NARF: variants seen among roughly 807,000 people sequenced by gnomAD.
NARF encodes iron-only hydrogenase-like protein 2.
Under a neutral mutation model 48.0 loss-of-function variants are expected in NARF, and 41 were observed. That is an observed-to-expected ratio of 0.85 (90% CI 0.66 to 1.11). The LOEUF is 1.11. NARF is among the 50% of genes least tolerant of loss of function. NARF has a pLI of 0.00. For missense variants in NARF, 613 were observed against 590.2 expected, an observed-to-expected ratio of 1.04 and a Z score of -0.40; for synonymous variants, 215 against 225.5, an observed-to-expected ratio of 0.95 and a Z score of 0.42.
chr17:82,483,098 A>G (rs367944157), intron 7 of NARF: 2 of 160,634 alleles, frequency 1.2e-5, no homozygotes, highest in East Asian at 2.0e-4. Context: ...CAGGCTGGTC[A>G]CCTGAGGTCA....
rs117835887 is a variant in NARF at position 82,466,387 on chromosome 17, C to T, written c.252+1957C>T. Reference sequence around the variant, plus strand: ...TGTTTATTGACAGTTTATATTTTATCTTATGCTGCTTGTCCAGTCTACAAC... The same window carrying T: ...TGTTTATTGACAGTTTATATTTTATTTTATGCTGCTTGTCCAGTCTACAAC... On this transcript the variant is annotated intron_variant, in intron 3 of 10. Transcript: ENST00000309794. Among the ~76,000 whole-genome samples the T allele has an allele frequency of 6.6e-5, 10 of 152,206 alleles. No individual in the cohort carries two copies. The East Asian group carries it at 1.9e-3, about 29-fold the overall frequency.
intron 5 of NARF, 90 bp downstream of exon 5, chr17:82,472,788 C>T: frequency 2.1e-6 from 3 of 1,459,802 alleles, no homozygotes; most frequent in Non-Finnish European, 2.7e-6. Context: ...TGGAGGCAGA[C>T]AGACCCATCC....
rs755011923 is a variant in NARF at position 82,468,722 on chromosome 17, T to G, written c.253-42T>G. 14 of 1,603,682 alleles carry G rather than the reference T, an allele frequency of 8.7e-6. No individual in the cohort carries two copies. In the South Asian group the frequency reaches 1.3e-4, roughly 15 times the overall value. On this transcript the variant is annotated intron_variant, in intron 3 of 10. Coordinates refer to ENST00000309794, the MANE Select transcript of NARF (RefSeq NM_012336.4). ...TAAGGTGTGTAACTTTTACTCCTTGTGTAATCAGCAGATACCTAACATTCT... is the reference window on the plus strand; with the variant it reads ...TAAGGTGTGTAACTTTTACTCCTTGGGTAATCAGCAGATACCTAACATTCT...
In NARF at chr17:82,483,652, C is replaced by T. The variant is rs2044024894; in HGVS notation, c.770-64C>T. 2.0e-6 allele frequency: 3 copies of T among 1,494,538 alleles called. No individual in the cohort carries two copies. In the African/African-American group the frequency reaches 4.1e-5, roughly 21 times the overall value. 92.6% of individuals were successfully genotyped at this position (1,494,538 alleles called of 1,614,324 possible). ...AGGGTCACTAATGTCAAATCTCCTG[C>T]AGGGGAAGAAAAGTTCCTGTGGCCA... On this transcript the variant is annotated intron_variant, in intron 7 of 10. Transcript: ENST00000309794.
At chr17:82,473,509 C>T (rs1479674858) in intron 5 of NARF, among the ~76,000 whole-genome samples, 4 of 151,856 alleles carry the variant, frequency 2.6e-5, no homozygotes, top group East Asian at 1.9e-4. Context: ...CCACCACACC[C>T]GGCTAATTTC....
At chr17:82,483,579 T>G in intron 7 of NARF, 137 bp from the exon 8 acceptor site, 1 of 716,540 alleles carries the variant, frequency 1.4e-6, no homozygotes, top group Non-Finnish European at 2.4e-6. Flanking sequence ...GCCCTTTAGA[T>G]GGACTCCTGC....
intron 2 of NARF, chr17:82,463,741 C>G (rs746982462): frequency 6.5e-6 from 1 of 153,656 alleles, no homozygotes; most frequent in Non-Finnish European, 1.4e-5. Context: ...TGGAGGGGAT[C>G]AAAGAGTGAC....
rs747472934 is a variant in NARF at position 82,468,872 on chromosome 17, C to G, written c.361C>G (p.Leu121Val). The change falls in exon 4 of 11, where the codon CTC becomes GTC. Residue 121 changes from leucine (L) to valine (V), a missense_variant. Physicochemically the swap from Leu to Val is conservative, Grantham distance 32. Coordinates refer to ENST00000309794, the MANE Select transcript of NARF (RefSeq NM_012336.4). ...NLSVTDASRR[L>V]CGFLKSLGVH... ...CAGTGTAACTGATGCATCCAGAAGA[C>G]TCTGTGGTTTCCTCAAAAGTCTTGG... The G allele has an allele frequency of 1.9e-6, 3 of 1,613,962 alleles. No homozygotes were observed. Among genetic ancestry groups the G allele is most frequent in the Non-Finnish European group, 2.5e-6 (3 of 1,179,948 alleles).
intron 5 of NARF, among the ~76,000 whole-genome samples, chr17:82,473,090 G>A (rs2043751975): frequency 6.6e-6 from 1 of 151,378 alleles, no homozygotes; most frequent in South Asian, 2.1e-4. Context: ...ACAGGTGCAC[G>A]CCACTGCACC....
rs73369873 is a variant in NARF, at chr17:82,488,304, C to T, written c.*147C>T. 11 of 1,286,994 alleles carry T rather than the reference C, an allele frequency of 8.5e-6. No homozygotes were observed. Among genetic ancestry groups the T allele is most frequent in the East Asian group, 2.6e-5 (1 of 39,056 alleles). 79.7% of individuals were successfully genotyped at this position (1,286,994 alleles called of 1,614,324 possible). A position where few individuals can be genotyped will look rare whatever the true frequency, so the allele number is the denominator to read the frequency against. ...GGTTTCTCCGAGTTCCCTGCTACCC[C>T]GTTTATTGGAGGCCCCTCAGGCAGT... is the stretch of plus-strand genomic sequence containing the variant. On this transcript the variant is annotated 3_prime_UTR_variant, in exon 11 of 11. Coordinates refer to ENST00000309794, the MANE Select transcript of NARF (RefSeq NM_012336.4).
chr17:82,483,853 C>T (rs2044031580), intron 8 of NARF, 74 bp downstream of exon 8: 1 of 1,386,372 alleles, frequency 7.2e-7, no homozygotes, highest in Non-Finnish European at 1.0e-6. Context: ...CCTGCCAGGC[C>T]CAGGGCTGCC....
rs190052892 is a variant in NARF at position 82,460,159 on chromosome 17, C to T, written c.108+87C>T. ...TGGGGGCTCACAGCACCGTGCACAT[C>T]ACTGCTTTAAAGAAGACTGAAGTAC... On this transcript the variant is annotated intron_variant, in intron 2 of 10. Coordinates refer to ENST00000309794, the MANE Select transcript of NARF (RefSeq NM_012336.4). The T allele has an allele frequency of 2.0e-4, 230 of 1,173,330 alleles. 1 individual carries two copies. Among genetic ancestry groups the T allele is most frequent in the Non-Finnish European group, 3.0e-5 (24 of 802,890 alleles). 72.7% of individuals were successfully genotyped at this position (1,173,330 alleles called of 1,614,324 possible).
At chr17:82,471,582 G>A (rs1184485674) in intron 4 of NARF, among the ~76,000 whole-genome samples, 1 of 149,478 alleles carries the variant, frequency 6.7e-6, no homozygotes, top group Non-Finnish European at 1.5e-5. Context: ...CACGAGGTCA[G>A]GAGATCGAGA....
chr17:82,478,719 C>G lies in NARF; in HGVS notation c.521-81C>G. 4.3e-6 allele frequency: 6 copies of G among 1,387,458 alleles called. No homozygotes were observed. In the South Asian group the frequency reaches 7.0e-5, roughly 16 times the overall value. 85.9% of individuals were successfully genotyped at this position (1,387,458 alleles called of 1,614,324 possible). The stretch of plus-strand genomic sequence containing the variant: ...GCTTCACCCTGGGGCGGCAGGGACT[C>G]GAGCTCAGCATTCCCTGGTGCGTTA... On this transcript the variant is annotated intron_variant, in intron 5 of 10. Coordinates refer to ENST00000309794, the MANE Select transcript of NARF (RefSeq NM_012336.4).
In NARF at chr17:82,472,668, A is replaced by G. The variant is rs761082730; in HGVS notation, c.490A>G (p.Thr164Ala). The G allele has an allele frequency of 2.0e-5, 33 of 1,613,688 alleles. No individual in the cohort carries two copies. Among genetic ancestry groups the G allele is most frequent in the Middle Eastern group, 1.6e-4 (1 of 6,082 alleles). The change falls in exon 5 of 11, where the codon ACC becomes GCC. Residue 164 changes from threonine (T) to alanine (A), a missense_variant. Coordinates refer to ENST00000309794, the MANE Select transcript of NARF (RefSeq NM_012336.4). Reference sequence around the variant, plus strand: ...TCGCCAGCACAGTGAGGAGGAACGCACCCTGCCCATGCTGACCTCTGCCTG... The same window carrying G: ...TCGCCAGCACAGTGAGGAGGAACGCGCCCTGCCCATGCTGACCTCTGCCTG... ...RYRQHSEEER[T>A]LPMLTSACPG...
rs2043350301 is a variant in NARF at position 82,458,777 on chromosome 17, C to T, written c.-27C>T. 6 of 1,462,428 alleles carry T rather than the reference C, an allele frequency of 4.1e-6. No individual in the cohort carries two copies. The highest frequency in any genetic ancestry group is 5.4e-5 in the Admixed American group (2 of 36,748). 90.6% of individuals were successfully genotyped at this position (1,462,428 alleles called of 1,614,324 possible). A position where few individuals can be genotyped will look rare whatever the true frequency, so the allele number is the denominator to read the frequency against. ...CCGGTGCTTCCCTGAGGCTGAGGCGCCCGGCCTCCCGCCCGCCGCGCTCCA... is the reference window on the plus strand; with the variant it reads ...CCGGTGCTTCCCTGAGGCTGAGGCGTCCGGCCTCCCGCCCGCCGCGCTCCA... On this transcript the variant is annotated 5_prime_UTR_variant, in exon 1 of 11. Transcript: ENST00000309794.
rs1308753275 is a variant in NARF, at chr17:82,488,722, AT to A, written c.*566del. 1 of 154,456 alleles carries A rather than the reference AT, an allele frequency of 6.5e-6. No individual in the cohort carries two copies. The highest frequency in any genetic ancestry group is 2.4e-5 in the African/African-American group (1 of 41,418). The allele number at this position is 154,456 out of a possible 1,614,324, so 9.6% of individuals were successfully genotyped here. A position where few individuals can be genotyped will look rare whatever the true frequency, so the allele number is the denominator to read the frequency against. On this transcript the variant is annotated 3_prime_UTR_variant, in exon 11 of 11. Coordinates refer to ENST00000309794, the MANE Select transcript of NARF (RefSeq NM_012336.4). ...GAGCACTTCCCCAATTTATCCCTTC[AT>A]CCTAAGATTGTGAAAAAGTCCCAAA...
intron 6 of NARF, chr17:82,480,661 G>A (rs924069690): frequency 2.1e-5 from 9 of 427,638 alleles, no homozygotes; most frequent in East Asian, 1.7e-4. Flanking sequence ...AGCCAGGCTC[G>A]ATGGCTCACG....
At chr17:82,462,033 G>T (rs909234731) in intron 2 of NARF, among the ~76,000 whole-genome samples, 1 of 152,216 alleles carries the variant, frequency 6.6e-6, no homozygotes, top group African/African-American at 2.4e-5. Context: ...CCCTCTGGTT[G>T]TGTCGTTGTA....
Sources: allele counts gnomAD v4.1 joint callset (sites outside exome capture counted in the v4.1 genomes callset), GRCh38; gene constraint gnomAD v4.1.1; transcripts MANE v1.5; gene names NCBI Gene and HGNC (gene_info 2026-07-23, HGNC 2026-07-21).